Variants in SPAG16 observed in about 807,000 individuals in gnomAD.
SPAG16 encodes sperm associated antigen 16.
Under a neutral mutation model 80.4 loss-of-function variants are expected in SPAG16, and 86 were observed. That is an observed-to-expected ratio of 1.07 (90% CI 0.90 to 1.28). SPAG16 has a LOEUF of 1.28. Ranked by LOEUF, SPAG16 falls within the 50% of genes most tolerant of loss-of-function variation. The probability of loss-of-function intolerance (pLI) is 0.00; values close to 1 mark genes in which losing one functional copy is unlikely to be tolerated. For missense variants in SPAG16, 870 were observed against 765.3 expected (o/e 1.14, Z -1.61); for synonymous variants, 294 against 265.9 (o/e 1.11, Z -1.03).
intron 15 of SPAG16, among the ~76,000 whole-genome samples, chr2:214,339,879 T>G (rs73989434): frequency 6.6e-6 from 1 of 152,050 alleles, no homozygotes; most frequent in Non-Finnish European, 1.5e-5. Context: ...ACTGAGTTAA[T>G]CTAAAAGGAG....
At chr2:213,714,040 G>A (rs1000416779) in intron 10 of SPAG16, among the ~76,000 whole-genome samples, 2 of 152,112 alleles carry the variant, frequency 1.3e-5, no homozygotes, top group Admixed American at 6.5e-5. Context: ...TGCTTCCAGC[G>A]ACCCAAGCTA....
chr2:213,376,070 G>A (rs1203621997), intron 9 of SPAG16, among the ~76,000 whole-genome samples: 2 of 150,896 alleles, frequency 1.3e-5, no homozygotes, highest in African/African-American at 4.9e-5. Flanking sequence ...TCACTTTTTT[G>A]TTATAATAAG....
chr2:213,650,710 G>T (rs190604212), intron 10 of SPAG16, among the ~76,000 whole-genome samples: 1 of 152,118 alleles, frequency 6.6e-6, no homozygotes, highest in Non-Finnish European at 1.5e-5. Context: ...CTCAGCAGTG[G>T]TCAACTACCT....
chr2:213,977,453 A>T (rs916820926), intron 12 of SPAG16, among the ~76,000 whole-genome samples: 1 of 151,946 alleles, frequency 6.6e-6, no homozygotes, highest in African/African-American at 2.4e-5. Context: ...CATACCCAAT[A>T]TCCTGGCAGA....
At chr2:213,586,865 A>C (rs1250625138) in intron 10 of SPAG16, among the ~76,000 whole-genome samples, 1 of 152,214 alleles carries the variant, frequency 6.6e-6, no homozygotes, top group African/African-American at 2.4e-5. Flanking sequence ...ATAAAGCTTG[A>C]GAATAATCTT....
At chr2:213,697,174 G>T (rs2065191371) in intron 10 of SPAG16, among the ~76,000 whole-genome samples, 1 of 152,174 alleles carries the variant, frequency 6.6e-6, no homozygotes, top group Non-Finnish European at 1.5e-5. Flanking sequence ...GGAAGCCCTA[G>T]ATTGAATCTA....
chr2:213,641,473 T>A (rs541245452), intron 10 of SPAG16, among the ~76,000 whole-genome samples: 5 of 152,200 alleles, frequency 3.3e-5, no homozygotes, highest in Non-Finnish European at 7.3e-5. Context: ...ATTCACTCTC[T>A]CTTGAATTTA....
chr2:214,006,038 T>C (rs2047011032), intron 12 of SPAG16, among the ~76,000 whole-genome samples: 1 of 152,204 alleles, frequency 6.6e-6, no homozygotes, highest in African/African-American at 2.4e-5. Context: ...TAAATGCTAT[T>C]TAAAATCCAG....
At chr2:213,778,424 T>C (rs2069735186) in intron 10 of SPAG16, among the ~76,000 whole-genome samples, 1 of 152,272 alleles carries the variant, frequency 6.6e-6, no homozygotes, top group East Asian at 1.9e-4. Flanking sequence ...TTCTTTATAA[T>C]AGGGGCAAAA....
In SPAG16 at chr2:213,306,258, A is replaced by G. The variant is rs116360628; in HGVS notation, c.280-3801A>G. 2.7e-3 allele frequency among the ~76,000 whole-genome samples: 403 copies of G among 148,790 alleles called. 1 individual carries two copies. The highest frequency in any genetic ancestry group is 8.5e-3 in the African/African-American group (344 of 40,412). ...TTTTTTTTTGGCTAATGTTTTGTCA[A>G]TTTTGTTTATCTTTTGAAAAAACCA... On this transcript the variant is annotated intron_variant, in intron 3 of 15. Coordinates refer to ENST00000331683, the MANE Select transcript of SPAG16 (RefSeq NM_024532.5).
At chr2:213,341,186 C>A (rs1035481723) in intron 6 of SPAG16, among the ~76,000 whole-genome samples, 1 of 152,138 alleles carries the variant, frequency 6.6e-6, no homozygotes, top group African/African-American at 2.4e-5. Context: ...AGAAAAACAT[C>A]TCCATTTAAC....
At chr2:213,399,437 C>G (rs2068207138) in intron 9 of SPAG16, among the ~76,000 whole-genome samples, 1 of 151,878 alleles carries the variant, frequency 6.6e-6, no homozygotes, top group African/African-American at 2.4e-5. Flanking sequence ...AGACTGTTTT[C>G]TCCATTAATA....
In SPAG16 at chr2:213,779,949, G is replaced by A. The variant is rs1575115786; in HGVS notation, c.1071-82536G>A. 2.0e-5 allele frequency among the ~76,000 whole-genome samples: 3 copies of A among 152,288 alleles called. No homozygotes were observed. In the East Asian group the frequency reaches 5.8e-4, roughly 29 times the overall value. ...TGCATAAAAATGACTTCTCAGAAAA[G>A]TACAGATCCAGATCCTATGGATACC... On this transcript the variant is annotated intron_variant, in intron 10 of 15. Coordinates refer to ENST00000331683, the MANE Select transcript of SPAG16 (RefSeq NM_024532.5).
At chr2:214,097,903 C>T (rs2052714854) in intron 13 of SPAG16, among the ~76,000 whole-genome samples, 1 of 151,792 alleles carries the variant, frequency 6.6e-6, no homozygotes, top group Non-Finnish European at 1.5e-5. Context: ...TTGTTAAATC[C>T]CCAAAATGGC....
At chr2:213,576,935 C>G (rs1328522628) in intron 10 of SPAG16, among the ~76,000 whole-genome samples, 1 of 151,942 alleles carries the variant, frequency 6.6e-6, no homozygotes, top group East Asian at 1.9e-4. Context: ...TACAACAATC[C>G]CCATTACACA....
At chr2:213,593,874 C>G in intron 10 of SPAG16, among the ~76,000 whole-genome samples, 1 of 147,276 alleles carries the variant, frequency 6.8e-6, no homozygotes. Flanking sequence ...TCCCCGGTTC[C>G]CGCTATTCTC....
At chr2:214,292,389 T>C (rs527967627) in intron 15 of SPAG16, among the ~76,000 whole-genome samples, 1 of 152,296 alleles carries the variant, frequency 6.6e-6, no homozygotes, top group South Asian at 2.1e-4. Context: ...TAATTCAATT[T>C]CAAAACACCC....
intron 11 of SPAG16, among the ~76,000 whole-genome samples, chr2:213,902,842 A>G (rs2077275758): frequency 6.6e-6 from 1 of 152,262 alleles, no homozygotes; most frequent in Non-Finnish European, 1.5e-5. Flanking sequence ...CTTCTTAGAT[A>G]CAGTGGGGGT....
At chr2:213,557,936 A>G (rs948885415) in intron 10 of SPAG16, among the ~76,000 whole-genome samples, 2 of 152,218 alleles carry the variant, frequency 1.3e-5, no homozygotes, top group Admixed American at 6.5e-5. Context: ...CAAGGAAGTC[A>G]TCAGAACTAG....
Sources: allele counts gnomAD v4.1 joint callset (sites outside exome capture counted in the v4.1 genomes callset), GRCh38; gene constraint gnomAD v4.1.1; transcripts MANE v1.5; gene names NCBI Gene and HGNC (gene_info 2026-07-23, HGNC 2026-07-21).